The following RAPH1 variants were observed in gnomAD, a reference collection of about 807,000 sequenced individuals.
RAPH1 encodes the protein Ras association (RalGDS/AF-6) and pleckstrin homology domains 1, also known as ras-associated and pleckstrin homology domains-containing protein 1.
RAPH1 carries 18 observed loss-of-function variants against 88.1 expected under a neutral mutation model. The observed-to-expected ratio is 0.20, with a 90% CI of 0.14 to 0.30. RAPH1 has a LOEUF of 0.30. Ranked by LOEUF, RAPH1 falls within the 10% of genes least tolerant of loss-of-function variation. The probability of loss-of-function intolerance (pLI) is 1.00; values close to 1 mark genes in which losing one functional copy is unlikely to be tolerated. For synonymous variants in RAPH1, 587 were observed against 559.0 expected (o/e 1.05, Z -0.71); for missense variants, 1,448 against 1,543.2 (o/e 0.94, Z 1.03).
chr2:203,495,837 C>A, intron 1 of RAPH1, among the ~76,000 whole-genome samples: 1 of 152,168 alleles, frequency 6.6e-6, no homozygotes, highest in East Asian at 1.9e-4. Context: ...GAAAATTTGA[C>A]AAAACAAAAA....
chr2:203,494,125 C>G (rs1688404525), intron 2 of RAPH1, among the ~76,000 whole-genome samples: 1 of 151,876 alleles, frequency 6.6e-6, no homozygotes, highest in Non-Finnish European at 1.5e-5. Flanking sequence ...TTCTAGATTG[C>G]TGCAGAAATA....
At chr2:203,450,031 A>G (rs1325908855) in intron 10 of RAPH1, among the ~76,000 whole-genome samples, 6 of 151,872 alleles carry the variant, frequency 4.0e-5, no homozygotes, top group Non-Finnish European at 8.8e-5. Flanking sequence ...TCCAAAAAAA[A>G]AAAAAAACAA....
chr2:203,480,296 C>T (rs1346158167), intron 4 of RAPH1, among the ~76,000 whole-genome samples: 1 of 152,202 alleles, frequency 6.6e-6, no homozygotes, highest in African/African-American at 2.4e-5. Context: ...TGCCTGTAAT[C>T]CCAGCACTTT....
intron 6 of RAPH1, among the ~76,000 whole-genome samples, chr2:203,460,785 A>G (rs1235562247): frequency 6.6e-6 from 1 of 152,210 alleles, no homozygotes; most frequent in Non-Finnish European, 1.5e-5. Flanking sequence ...AATAATGTAA[A>G]GAAGCCAAAT....
Position 203,440,677 on chromosome 2 carries a change from G to T in RAPH1, c.2513C>A (p.Pro838Gln). The T allele has an allele frequency of 6.3e-7, 1 of 1,578,414 alleles. No individual in the cohort carries two copies. The highest frequency in any genetic ancestry group is 8.6e-7 in the Non-Finnish European group (1 of 1,160,684). The stretch of plus-strand genomic sequence containing the variant: ...GAAGCTCTGTTGCTTGGGTAATGTT[G>T]GCGGGGGTACTGGAACAGGAGGGGT... ...PPTPPVPVPP[P>Q]TLPKQQSFCA... The change falls in exon 14 of 14, where the codon CCA becomes CAA. Residue 838 changes from proline to glutamine, a missense_variant. By Grantham distance (76) the Pro-to-Gln change is moderately conservative. Coordinates refer to ENST00000319170, the MANE Select transcript of RAPH1 (RefSeq NM_213589.3).
intron 1 of RAPH1, among the ~76,000 whole-genome samples, chr2:203,505,496 T>C (rs773489780): frequency 4.6e-5 from 7 of 152,012 alleles, no homozygotes; most frequent in Non-Finnish European, 8.8e-5. Context: ...ACAACTGAAG[T>C]TGAGATTTGG....
At chr2:203,530,169 T>C (rs878907990) in intron 1 of RAPH1, among the ~76,000 whole-genome samples, 1 of 152,166 alleles carries the variant, frequency 6.6e-6, no homozygotes, top group Non-Finnish European at 1.5e-5. Flanking sequence ...AATACCTTAA[T>C]AGCAAGAAGA....
chr2:203,468,575 G>T (rs765632616), intron 4 of RAPH1, among the ~76,000 whole-genome samples: 12 of 152,036 alleles, frequency 7.9e-5, no homozygotes, highest in Non-Finnish European at 1.8e-4. Context: ...ACATGATTTA[G>T]AACTTCTTTA....
intron 12 of RAPH1, chr2:203,445,249 T>G (rs2098508415): frequency 2.5e-6 from 1 of 406,198 alleles, no homozygotes; most frequent in African/African-American, 2.0e-5. Flanking sequence ...CTGATAATTA[T>G]AATAAATGAT....
At chr2:203,463,601 T>TA (rs1287263711) in intron 4 of RAPH1, among the ~76,000 whole-genome samples, 1 of 152,180 alleles carries the variant, frequency 6.6e-6, no homozygotes, top group African/African-American at 2.4e-5. Context: ...TGAATTACCA[T>TA]AATAACCAGG....
chr2:203,445,317 A>G (rs564452959), intron 12 of RAPH1: 1 of 261,654 alleles, frequency 3.8e-6, no homozygotes, highest in East Asian at 7.7e-5. Flanking sequence ...ACTCTAAACA[A>G]TAAAAGAATT....
At position 203,457,751 on chromosome 2, in the gene RAPH1, T is replaced by C. The variant is rs550496203; in HGVS notation, c.1093-156A>G. ...CTGTTGGTATAGAGTAGAATAAACT[T>C]TGAAAAGTTACCTGTGTATGGGCAT... is the stretch of plus-strand genomic sequence containing the variant. On this transcript the variant is annotated intron_variant, in intron 7 of 13. Transcript: ENST00000319170. Among the ~76,000 whole-genome samples, 8 of 152,272 alleles carry C rather than the reference T, an allele frequency of 5.3e-5. No individual in the cohort carries two copies. In the South Asian group the frequency reaches 1.7e-3, roughly 32 times the overall value.
intron 1 of RAPH1, among the ~76,000 whole-genome samples, chr2:203,512,860 G>C (rs1460254657): frequency 6.6e-6 from 1 of 152,040 alleles, no homozygotes; most frequent in Non-Finnish European, 1.5e-5. Context: ...TCCTGACCTG[G>C]TGATCCGCCC....
chr2:203,444,585 A>ATTT (rs2098507693), intron 13 of RAPH1: 3 of 403,260 alleles, frequency 7.4e-6, no homozygotes, highest in Non-Finnish European at 8.7e-6. Flanking sequence ...TATTTCTTAA[A>ATTT]AATCTGAGCC....
At chr2:203,496,056 T>C (rs566269801) in intron 1 of RAPH1, among the ~76,000 whole-genome samples, 12 of 152,328 alleles carry the variant, frequency 7.9e-5, no homozygotes, top group African/African-American at 2.9e-4. Context: ...TCTTCCTTCT[T>C]CCCATTAATA....
chr2:203,505,134 T>C (rs1001022263), intron 1 of RAPH1, among the ~76,000 whole-genome samples: 15 of 152,200 alleles, frequency 9.9e-5, no homozygotes, highest in African/African-American at 3.6e-4. Context: ...TCTACGTTTT[T>C]GGGTATCTTT....
intron 4 of RAPH1, among the ~76,000 whole-genome samples, chr2:203,488,588 T>TA (rs750783858): frequency 0.29 from 10,740 of 36,454 alleles, 2,593 homozygotes; most frequent in East Asian, 0.49. Flanking sequence ...CTCCGTCTAT[T>TA]AAAAAAAAAA....
intron 1 of RAPH1, among the ~76,000 whole-genome samples, chr2:203,500,000 G>C (rs900927925): frequency 1.3e-5 from 2 of 152,152 alleles, no homozygotes; most frequent in African/African-American, 2.4e-5. Context: ...AGTGCTATCA[G>C]AGCCATTTCC....
At chr2:203,441,741 A>G in intron 13 of RAPH1, 1 of 1,285,686 alleles carries the variant, frequency 7.8e-7, no homozygotes, top group Non-Finnish European at 9.8e-7. Flanking sequence ...TGACTTTGAC[A>G]CAGCCTGCCC....
Sources: gnomAD v4.1 joint callset for allele counts (sites outside exome capture counted in the v4.1 genomes callset) on GRCh38, gnomAD v4.1.1 for gene constraint, MANE v1.5 for transcripts, NCBI Gene and HGNC (gene_info 2026-07-23, HGNC 2026-07-21) for gene names.